Variants in SH3BP5 observed in about 807,000 individuals in gnomAD.
SH3BP5 encodes the protein SH3 domain-binding protein 5.
SH3BP5 carries 22 observed loss-of-function variants against 43.3 expected under a neutral mutation model. The observed-to-expected ratio is 0.51, with a 90% confidence interval of 0.36 to 0.73. The LOEUF (loss-of-function observed/expected upper bound fraction) is 0.73, where lower values mean the gene tolerates loss of function less well. SH3BP5 is among the 30% of genes least tolerant of loss of function. The probability of loss-of-function intolerance (pLI) is 0.00; values close to 1 mark genes in which losing one functional copy is unlikely to be tolerated. For synonymous variants in SH3BP5, 255 were observed against 225.8 expected (o/e 1.13, Z -1.16); for missense variants, 529 against 586.9 (o/e 0.90, Z 1.02).
At chr3:15,335,314 G>T (rs1292379813), upstream of SH3BP5, among the ~76,000 whole-genome samples, 1 of 152,136 alleles carries the variant, frequency 6.6e-6, no homozygotes, top group Non-Finnish European at 1.5e-5. Context: ...GGAGGCAGAG[G>T]TTGCAGTGAA....
chr3:15,316,635 G>GT (rs1173153898), intron 2 of SH3BP5, among the ~76,000 whole-genome samples: 1 of 151,822 alleles, frequency 6.6e-6, no homozygotes, highest in Non-Finnish European at 1.5e-5. Flanking sequence ...TTTGTAGTTC[G>GT]TAAGTGTGAT....
At chr3:15,295,101 C>A (rs1575320685) in intron 3 of SH3BP5, among the ~76,000 whole-genome samples, 1 of 152,286 alleles carries the variant, frequency 6.6e-6, no homozygotes, top group South Asian at 2.1e-4. Context: ...CACACACACA[C>A]AGTGACACAC....
intron 2 of SH3BP5, among the ~76,000 whole-genome samples, chr3:15,304,694 T>C (rs1401222663): frequency 6.6e-6 from 1 of 151,816 alleles, no homozygotes; most frequent in Non-Finnish European, 1.5e-5. Context: ...AGGTACCTGC[T>C]GTCCCAGCCA....
chr3:15,324,378 G>A (rs1698407510), intron 2 of SH3BP5, among the ~76,000 whole-genome samples: 1 of 152,172 alleles, frequency 6.6e-6, no homozygotes. Flanking sequence ...CATGAGGCAG[G>A]GACGTGCCTG....
In SH3BP5 at chr3:15,262,305, G is replaced by GAGTTCAGCCC; in HGVS notation, c.496-26_496-17dup. On this transcript the variant is annotated splice_polypyrimidine_tract_variant and intron_variant, in intron 4 of 8. Transcript: ENST00000383791. ...CCTCCATGACCTTAAAATGACAGCAGAGTTCAGCCCAGTCCAGCCCAGAAC... is the reference window on the plus strand; with the variant it reads ...CCTCCATGACCTTAAAATGACAGCAGAGTTCAGCCCAGTTCAGCCCAGTCCAGCCCAGAAC... 6.2e-7 allele frequency: 1 copy of GAGTTCAGCCC among 1,613,932 alleles called. No individual in the cohort carries two copies.
intron 2 of SH3BP5, among the ~76,000 whole-genome samples, chr3:15,329,677 T>C (rs1307978684): frequency 6.6e-6 from 1 of 152,238 alleles, no homozygotes. Context: ...CGTTTGCTAT[T>C]TCTCCTGCTA....
At chr3:15,308,690 G>C (rs998742823) in intron 2 of SH3BP5, among the ~76,000 whole-genome samples, 6 of 152,182 alleles carry the variant, frequency 3.9e-5, no homozygotes, top group Non-Finnish European at 8.8e-5. Context: ...GTGGGGAGAA[G>C]GGGAGATTAC....
At chr3:15,278,334 G>A (rs1327922798) in intron 3 of SH3BP5, among the ~76,000 whole-genome samples, 7 of 152,208 alleles carry the variant, frequency 4.6e-5, no homozygotes, top group Non-Finnish European at 1.0e-4. Flanking sequence ...GTGAGGGAGG[G>A]ATGGGCAGGA....
At chr3:15,301,227 C>G (rs1168919362) in intron 3 of SH3BP5, among the ~76,000 whole-genome samples, 1 of 152,138 alleles carries the variant, frequency 6.6e-6, no homozygotes, top group Non-Finnish European at 1.5e-5. Flanking sequence ...AGTCATGCCA[C>G]TCTCCATCTG....
chr3:15,310,165 C>T (rs1698019161), intron 2 of SH3BP5, among the ~76,000 whole-genome samples: 1 of 152,126 alleles, frequency 6.6e-6, no homozygotes, highest in Admixed American at 6.5e-5. Context: ...AGACATGACC[C>T]ATCATAACCA....
At chr3:15,295,845 T>C (rs1697552822) in intron 3 of SH3BP5, among the ~76,000 whole-genome samples, 1 of 152,176 alleles carries the variant, frequency 6.6e-6, no homozygotes, top group Non-Finnish European at 1.5e-5. Context: ...GACAGCATCA[T>C]CATGAGGCTA....
chr3:15,314,763 A>G (rs1042422562), intron 2 of SH3BP5, among the ~76,000 whole-genome samples: 9 of 152,196 alleles, frequency 5.9e-5, no homozygotes, highest in African/African-American at 2.2e-4. Context: ...AGGATCTTCA[A>G]GTTGGGGAGA....
chr3:15,292,575 G>A (rs564947704), intron 3 of SH3BP5, among the ~76,000 whole-genome samples: 38 of 152,282 alleles, frequency 2.5e-4, no homozygotes, highest in Non-Finnish European at 4.9e-4. Flanking sequence ...TAAGCCAGGC[G>A]CGGTGGCTCA....
chr3:15,299,959 T>C (rs1448965860), intron 3 of SH3BP5, among the ~76,000 whole-genome samples: 3 of 152,158 alleles, frequency 2.0e-5, no homozygotes, highest in African/African-American at 7.2e-5. Flanking sequence ...AAAAGTACAG[T>C]ACAAATAACT....
At chr3:15,324,563 C>G (rs1281073788) in intron 2 of SH3BP5, among the ~76,000 whole-genome samples, 1 of 150,288 alleles carries the variant, frequency 6.7e-6, no homozygotes, top group Non-Finnish European at 1.5e-5. Flanking sequence ...TCTGGTGCAG[C>G]TTCAAGAAAC....
intron 3 of SH3BP5, among the ~76,000 whole-genome samples, chr3:15,274,797 C>T (rs1055064888): frequency 3.9e-5 from 6 of 152,190 alleles, no homozygotes; most frequent in South Asian, 2.1e-4. Flanking sequence ...CTACCTGCCT[C>T]GGCCTCCCAA....
At chr3:15,305,560 G>C (rs553840586) in intron 2 of SH3BP5, among the ~76,000 whole-genome samples, 1 of 152,264 alleles carries the variant, frequency 6.6e-6, no homozygotes, top group African/African-American at 2.4e-5. Flanking sequence ...ATGTATTAGA[G>C]GGAGAGTCAC....
chr3:15,256,030 T>G lies in SH3BP5; in HGVS notation c.*56A>C. On this transcript the variant is annotated 3_prime_UTR_variant, in exon 9 of 9. Transcript: ENST00000383791. ...ATATTAAATGATTATTGGCACAATG[T>G]TCTCCAGTTCCATGTATAAATGTTG... The G allele has an allele frequency of 1.5e-6, 2 of 1,350,040 alleles. No homozygotes were observed. The allele number at this position is 1,350,040 out of a possible 1,614,324, so 83.6% of individuals were successfully genotyped here.
At chr3:15,293,861 T>C (rs975041153) in intron 3 of SH3BP5, among the ~76,000 whole-genome samples, 1 of 152,052 alleles carries the variant, frequency 6.6e-6, no homozygotes. Context: ...GCGGATCATC[T>C]GAGGTCAGGA....
Sources: gnomAD v4.1 joint callset for allele counts (sites outside exome capture counted in the v4.1 genomes callset) on GRCh38, gnomAD v4.1.1 for gene constraint, MANE v1.5 for transcripts, NCBI Gene and HGNC (gene_info 2026-07-23, HGNC 2026-07-21) for gene names.